Variants in RUFY3 observed in about 807,000 individuals in gnomAD.
RUFY3 encodes protein RUFY3.
A neutral mutation model predicts 84.0 loss-of-function variants in RUFY3; 34 were observed. That is an observed-to-expected ratio of 0.40 (90% CI 0.31 to 0.54). The LOEUF (loss-of-function observed/expected upper bound fraction) is 0.54, where lower values mean the gene tolerates loss of function less well. RUFY3 is among the 20% of genes least tolerant of loss of function. RUFY3 has a pLI of 0.39. For synonymous variants in RUFY3, 242 were observed against 252.9 expected (o/e 0.96, Z 0.41); for missense variants, 507 against 736.8 (o/e 0.69, Z 3.61).
At chr4:70,718,654 A>G (rs1741916823), upstream of RUFY3, among the ~76,000 whole-genome samples, 2 of 152,228 alleles carry the variant, frequency 1.3e-5, no homozygotes, top group South Asian at 4.1e-4. Flanking sequence ...CTTAACTTTA[A>G]CTTCATATTC....
intron 1 of RUFY3, among the ~76,000 whole-genome samples, chr4:70,724,187 A>G (rs1717844664): frequency 6.6e-6 from 1 of 152,190 alleles, no homozygotes; most frequent in South Asian, 2.1e-4. Context: ...CAACAATTCC[A>G]GTACTACTTA....
At chr4:70,797,165 A>G (rs1465312715) in intron 14 of RUFY3, among the ~76,000 whole-genome samples, 6 of 150,232 alleles carry the variant, frequency 4.0e-5, no homozygotes, top group African/African-American at 1.5e-4. Context: ...CTGGTCTTCA[A>G]CTCCTGGGCT....
intron 10 of RUFY3, among the ~76,000 whole-genome samples, chr4:70,786,510 A>T (rs1481871090): frequency 6.6e-6 from 1 of 151,996 alleles, no homozygotes; most frequent in Non-Finnish European, 1.5e-5. Flanking sequence ...CATCACCTTA[A>T]ATATTTGTCT....
At chr4:70,748,143 C>G (rs1386766783) in intron 1 of RUFY3, among the ~76,000 whole-genome samples, 2 of 152,148 alleles carry the variant, frequency 1.3e-5, no homozygotes, top group Non-Finnish European at 2.9e-5. Context: ...CATCTCCAAA[C>G]AAAATTTTAG....
At chr4:70,733,133 GGAGGGAGAGAGA>G (rs1267705511) in intron 1 of RUFY3, among the ~76,000 whole-genome samples, 6 of 88,280 alleles carry the variant, frequency 6.8e-5, no homozygotes, top group African/African-American at 2.8e-4. Flanking sequence ...AGGGAGGGAG[GGAGGGAGAGAGA>G]GAGAGAGAGA....
chr4:70,753,143 A>G (rs1414905321), intron 1 of RUFY3, among the ~76,000 whole-genome samples: 2 of 152,082 alleles, frequency 1.3e-5, no homozygotes, highest in Non-Finnish European at 2.9e-5. Flanking sequence ...TGTCTAAGAA[A>G]TTGTCCATTT....
chr4:70,771,189 G>A lies in RUFY3; in HGVS notation c.697-2322G>A, dbSNP rs144883603. Among the ~76,000 whole-genome samples the A allele has an allele frequency of 1.8e-3, 280 of 152,240 alleles. 2 individuals carry two copies. Among genetic ancestry groups the A allele is most frequent in the African/African-American group, 6.5e-3 (271 of 41,544 alleles). On this transcript the variant is annotated intron_variant, in intron 5 of 17. Coordinates refer to ENST00000381006, the MANE Select transcript of RUFY3 (RefSeq NM_001037442.4). The stretch of plus-strand genomic sequence containing the variant: ...AAAATGTGAAACCGAGACATGAAGC[G>A]AGCACATGCTGTTGGAAAAATGGCA...
intron 1 of RUFY3, among the ~76,000 whole-genome samples, chr4:70,757,462 C>T: frequency 6.6e-6 from 1 of 151,806 alleles, no homozygotes; most frequent in Non-Finnish European, 1.5e-5. Flanking sequence ...AAACTAGCCG[C>T]ACGTGGTGGC....
intron 1 of RUFY3, among the ~76,000 whole-genome samples, chr4:70,749,823 G>A (rs1158886531): frequency 6.6e-6 from 1 of 151,374 alleles, no homozygotes; most frequent in Non-Finnish European, 1.5e-5. Flanking sequence ...CTAATTTTTT[G>A]TGTGTTTTTT....
intron 15 of RUFY3, among the ~76,000 whole-genome samples, chr4:70,801,367 T>C (rs1385864363): frequency 2.0e-5 from 3 of 151,974 alleles, no homozygotes; most frequent in Non-Finnish European, 4.4e-5. Context: ...TGGGTGATGA[T>C]GTTGTGTCAG....
intron 7 of RUFY3, among the ~76,000 whole-genome samples, chr4:70,776,893 T>TA (rs2148752409): frequency 6.6e-6 from 1 of 152,388 alleles, no homozygotes; most frequent in Non-Finnish European, 1.5e-5. Context: ...CCACTGTCCT[T>TA]ACGACAATTC....
At chr4:70,777,158 A>G (rs570676779) in intron 7 of RUFY3, among the ~76,000 whole-genome samples, 1 of 152,244 alleles carries the variant, frequency 6.6e-6, no homozygotes, top group Non-Finnish European at 1.5e-5. Flanking sequence ...GAAGTCCCAG[A>G]GGGAGAACAG....
At chr4:70,802,137 T>C (rs1732306593) in intron 15 of RUFY3, among the ~76,000 whole-genome samples, 1 of 152,232 alleles carries the variant, frequency 6.6e-6, no homozygotes, top group Non-Finnish European at 1.5e-5. Flanking sequence ...CTGTTTATCA[T>C]GTCTACTGTT....
chr4:70,705,662 C>CGGG (rs1335230601), intron 1 of RUFY3, among the ~76,000 whole-genome samples: 1 of 152,186 alleles, frequency 6.6e-6, no homozygotes, highest in East Asian at 1.9e-4. Flanking sequence ...GGCCCTGTCC[C>CGGG]GGGTCCCGGG....
At chr4:70,715,588 CAAAAAA>C (rs886636641) in intron 1 of RUFY3, among the ~76,000 whole-genome samples, 6 of 46,666 alleles carry the variant, frequency 1.3e-4, no homozygotes, top group Non-Finnish European at 2.5e-4. Context: ...ACACTATCTC[CAAAAAA>C]AAAAAAAAAA....
chr4:70,804,418 T>C lies in RUFY3; in HGVS notation c.1719+2T>C, dbSNP rs777536576. 5.6e-6 allele frequency: 9 copies of C among 1,613,166 alleles called. No individual in the cohort carries two copies. In the African/African-American group the frequency reaches 1.2e-4, roughly 22 times the overall value. The stretch of plus-strand genomic sequence containing the variant: ...CAGGAAGACGGCAGCCTAACAAAGG[T>C]AACTGTGATGAGAAACGGACAGGCT... On this transcript the variant is annotated splice_donor_variant, in intron 17 of 17. Coordinates refer to ENST00000381006, the MANE Select transcript of RUFY3 (RefSeq NM_001037442.4). LOFTEE classifies it high-confidence loss of function.
intron 7 of RUFY3, among the ~76,000 whole-genome samples, chr4:70,776,267 ACTTT>A (rs1268346672): frequency 2.0e-5 from 3 of 152,218 alleles, no homozygotes; most frequent in African/African-American, 7.2e-5. Context: ...AAATAAAACA[ACTTT>A]AACAATAGAC....
At chr4:70,717,873 A>ATTTT (rs1165078654), upstream of RUFY3, among the ~76,000 whole-genome samples, 10 of 82,372 alleles carry the variant, frequency 1.2e-4, no homozygotes, top group Admixed American at 3.9e-4. Context: ...TTGACATGGT[A>ATTTT]TTTTTTTTTT....
rs369382478 is a variant in RUFY3 at position 70,808,311 on chromosome 4, CTT to C, written c.*1654_*1655del. 1.2e-3 allele frequency among the ~76,000 whole-genome samples: 180 copies of C among 152,238 alleles called. No individual in the cohort carries two copies. In the East Asian group the frequency reaches 0.03, roughly 25 times the overall value. On this transcript the variant is annotated 3_prime_UTR_variant, in exon 18 of 18. Coordinates refer to ENST00000381006, the MANE Select transcript of RUFY3 (RefSeq NM_001037442.4). ...TCTATCTATCTTTGAGTAACAAACT[CTT>C]TGGGGGAAAAGAGGGAAGTGTATTG...
Sources: gnomAD v4.1 joint callset for allele counts (sites outside exome capture counted in the v4.1 genomes callset) on GRCh38, gnomAD v4.1.1 for gene constraint, MANE v1.5 for transcripts, NCBI Gene and HGNC (gene_info 2026-07-23, HGNC 2026-07-21) for gene names.